Variants in ZNF592 observed in about 807,000 individuals in gnomAD.
ZNF592 encodes the protein zinc finger protein 592, also known as spinocerebellar ataxia, autosomal recessive 5.
A neutral mutation model predicts 80.3 loss-of-function variants in ZNF592; 11 were observed. The ratio of observed to expected loss-of-function variants is 0.14; its 90% confidence interval spans 0.09 to 0.23. The LOEUF is 0.23. Among genes scored for constraint, ZNF592 ranks in the 10% least tolerant of loss-of-function variants. The pLI is 1.00. For synonymous variants in ZNF592, 646 were observed against 640.3 expected (o/e 1.01, Z -0.13); for missense variants, 1,420 against 1,633.9 (o/e 0.87, Z 2.26).
chr15:84,779,451 T>C (rs867440904), intron 3 of ZNF592, among the ~76,000 whole-genome samples: 32 of 152,170 alleles, frequency 2.1e-4, no homozygotes, highest in African/African-American at 7.7e-4. Context: ...GAAAACAGGA[T>C]GTGATCTTTG....
intron 1 of ZNF592, among the ~76,000 whole-genome samples, chr15:84,751,845 C>T (rs1359458333): frequency 6.6e-6 from 1 of 152,136 alleles, no homozygotes; most frequent in East Asian, 1.9e-4. Flanking sequence ...GTGAAGGTTG[C>T]AGTGAGCTAA....
chr15:84,754,615 C>G (rs1899110906), intron 1 of ZNF592: 2 of 151,278 alleles, frequency 1.3e-5, no homozygotes, highest in Non-Finnish European at 2.9e-5. Flanking sequence ...CACCTGTAAT[C>G]CCAGCACTTT....
intron 5 of ZNF592, among the ~76,000 whole-genome samples, chr15:84,797,592 A>C (rs1962954455): frequency 6.6e-6 from 1 of 152,218 alleles, no homozygotes; most frequent in Admixed American, 6.5e-5. Flanking sequence ...GGTTTGCAGA[A>C]TATCCTCTGG....
intron 5 of ZNF592, among the ~76,000 whole-genome samples, chr15:84,792,926 C>T (rs117463830): frequency 0.025 from 3,750 of 152,290 alleles, 80 homozygotes; most frequent in Middle Eastern, 0.041. Flanking sequence ...AACCAAACAT[C>T]TGAATATGTT....
Position 84,782,720 on chromosome 15 carries a change from C to T in ZNF592, c.45C>T (p.Ala15=). ...KTPDFDDLLA[A]FDIPDPTSLD... is the part of the protein sequence containing the mutation. ...CAGATTTTGATGACCTTCTGGCTGC[C>T]TTTGACATCCCAGACCCCACCAGCC... Residue 15 remains alanine (A), a synonymous_variant, in exon 4 of 11, where the codon GCC becomes GCT. Transcript: ENST00000560079. 1 of 1,614,134 alleles carries T rather than the reference C, an allele frequency of 6.2e-7. No homozygotes were observed. The highest frequency in any genetic ancestry group is 8.5e-7 in the Non-Finnish European group (1 of 1,180,022).
At chr15:84,756,884 G>A (rs951084899) in intron 1 of ZNF592, among the ~76,000 whole-genome samples, 5 of 152,024 alleles carry the variant, frequency 3.3e-5, no homozygotes, top group Non-Finnish European at 7.4e-5. Context: ...GGCCGAGGTG[G>A]GTGGATCACT....
At chr15:84,794,119 A>G (rs1338267525) in intron 5 of ZNF592, among the ~76,000 whole-genome samples, 1 of 152,162 alleles carries the variant, frequency 6.6e-6, no homozygotes, top group Non-Finnish European at 1.5e-5. Flanking sequence ...GAGGGATAGC[A>G]TTAGGAGAAA....
chr15:84,751,953 T>C (rs1416523352), intron 1 of ZNF592, among the ~76,000 whole-genome samples: 1 of 151,970 alleles, frequency 6.6e-6, no homozygotes, highest in African/African-American at 2.4e-5. Context: ...CTAGAGACAG[T>C]GTCTCACTAT....
At chr15:84,789,708 T>G (rs1406458587) in intron 4 of ZNF592, among the ~76,000 whole-genome samples, 3 of 152,182 alleles carry the variant, frequency 2.0e-5, no homozygotes, top group Non-Finnish European at 4.4e-5. Flanking sequence ...TATTTACATA[T>G]TCAGTCATTC....
chr15:84,800,096 G>A, intron 10 of ZNF592, 119 bp downstream of exon 10: 2 of 1,483,648 alleles, frequency 1.3e-6, no homozygotes, highest in South Asian at 1.1e-5. Flanking sequence ...TTCCCTCAAT[G>A]TGGGTCACTC....
rs1962724375 is a variant in ZNF592 at position 84,790,784 on chromosome 15, C to T, written c.2300C>T (p.Pro767Leu). 1 of 1,614,090 alleles carries T rather than the reference C, an allele frequency of 6.2e-7. No individual in the cohort carries two copies. The highest frequency in any genetic ancestry group is 8.5e-7 in the Non-Finnish European group (1 of 1,180,052). Residue 767 changes from proline to leucine, a missense_variant, in exon 5 of 11, where the codon CCC becomes CTC. By Grantham distance (98) the Pro-to-Leu change is moderately conservative. This residue lies in a region of ZNF592 where 524 missense variants were observed against 628.3 expected (regional missense o/e 0.83). Coordinates refer to ENST00000560079, the MANE Select transcript of ZNF592 (RefSeq NM_014630.3). ...CAGCGGATTCATGCACACAAGTCCC[C>T]CTACTGCTGCCCGGAGTGTGGGGTC... ...AHQRIHAHKS[P>L]YCCPECGVLC...
At position 84,762,260 on chromosome 15, in the gene ZNF592, G is replaced by A. The variant is rs988435697; in HGVS notation, c.-258-2447G>A. ...ATAAGTAAGATAAAATATAAGAGATGGTGAAAAGTGTTATGGAGAAAAATG... is the reference window on the plus strand; with the variant it reads ...ATAAGTAAGATAAAATATAAGAGATAGTGAAAAGTGTTATGGAGAAAAATG... On this transcript the variant is annotated intron_variant, in intron 1 of 10. Transcript: ENST00000560079. 3.3e-5 allele frequency among the ~76,000 whole-genome samples: 5 copies of A among 152,296 alleles called. No homozygotes were observed. In the South Asian group the frequency reaches 1.0e-3, roughly 32 times the overall value.
Position 84,802,323 on chromosome 15 carries a change from G to A in ZNF592, c.3734G>A (p.Gly1245Asp), listed in dbSNP as rs762948645. 11 of 1,613,878 alleles carry A rather than the reference G, an allele frequency of 6.8e-6. No individual in the cohort carries two copies. In the East Asian group the frequency reaches 2.4e-4, roughly 36 times the overall value. ...GGCCCGGCCCCTGAGGACGATGGTG[G>A]CCACAATGATCACAGTCAACCACAG... is the stretch of plus-strand genomic sequence containing the variant. ...LLGPAPEDDGGHNDHSQPQAS... is the reference protein window; with the variant it reads ...LLGPAPEDDGDHNDHSQPQAS... Residue 1245 changes from glycine (G) to aspartate (D), a missense_variant, in exon 11 of 11, where the codon GGC becomes GAC. This residue lies in a region of ZNF592 where 145 missense variants were observed against 211.9 expected (regional missense o/e 0.68). Transcript: ENST00000560079.
At chr15:84,753,915 G>T (rs2141957388) in intron 1 of ZNF592, among the ~76,000 whole-genome samples, 1 of 152,304 alleles carries the variant, frequency 6.6e-6, no homozygotes, top group South Asian at 2.1e-4. Context: ...TCATTTGTGG[G>T]CATCTGGTCC....
At chr15:84,753,395 A>C (rs1048833482) in intron 1 of ZNF592, 2 of 152,232 alleles carry the variant, frequency 1.3e-5, no homozygotes, top group Non-Finnish European at 2.9e-5. Flanking sequence ...TCTTCCCTAC[A>C]CATTGGAGAC....
chr15:84,770,871 G>GC (rs1217924863), intron 2 of ZNF592, among the ~76,000 whole-genome samples: 1 of 152,154 alleles, frequency 6.6e-6, no homozygotes, highest in African/African-American at 2.4e-5. Flanking sequence ...GTTTCCAAGG[G>GC]CCCCTTCAGC....
At chr15:84,801,748 T>TGG (rs1353151528) in intron 10 of ZNF592, 115 bp from the exon 11 acceptor site, 20 of 1,480,650 alleles carry the variant, frequency 1.4e-5, no homozygotes, top group Non-Finnish European at 1.9e-5. Context: ...CGTTCAGGGC[T>TGG]GGGGTGACCC....
chr15:84,798,701 T>C lies in ZNF592; in HGVS notation c.2850T>C (p.Ser950=), dbSNP rs1009361553. Residue 950 remains serine, a synonymous_variant, in exon 8 of 11, where the codon AGT becomes AGC. Coordinates refer to ENST00000560079, the MANE Select transcript of ZNF592 (RefSeq NM_014630.3). This position sits in a 1 kb window ranked among gnomAD's most constrained non-coding sequence, Gnocchi z 4.5. ...TTCCCACTGAGCCACCAGCCACTAG[T>C]GTGGCTGCTCGGAGCAGCTCCCTGC... ...SRVPTEPPAT[S]VAARSSSLPS... 3.1e-6 allele frequency: 5 copies of C among 1,613,584 alleles called. No homozygotes were observed. The highest frequency in any genetic ancestry group is 3.4e-6 in the Non-Finnish European group (4 of 1,180,016).
chr15:84,784,167 C>G lies in ZNF592; in HGVS notation c.1492C>G (p.Leu498Val), dbSNP rs1371752905. 6.2e-7 allele frequency: 1 copy of G among 1,614,078 alleles called. No individual in the cohort carries two copies. The highest frequency in any genetic ancestry group is 8.5e-7 in the Non-Finnish European group (1 of 1,180,052). ...GGCATCCACCCTGGCCCCTGCCAAC[C>G]TCCTGCCCAAAGCCGTGCACTTGGC... ...LQASTLAPAN[L>V]LPKAVHLANL... Residue 498 changes from leucine (L) to valine (V), a missense_variant, in exon 4 of 11, where the codon CTC (leucine) becomes GTC (valine). Leu to Val is a conservative substitution (Grantham distance 32, BLOSUM62 1). Transcript: ENST00000560079. This position sits in a 1 kb window ranked among gnomAD's most constrained non-coding sequence, Gnocchi z 5.8.
Sources: gnomAD v4.1 joint callset for allele counts (sites outside exome capture counted in the v4.1 genomes callset) on GRCh38, gnomAD v4.1.1 for gene constraint, gnomAD v4.1.1 regional missense constraint, Gnocchi (gnomAD v3.1) non-coding constraint, MANE v1.5 for transcripts, NCBI Gene and HGNC (gene_info 2026-07-23, HGNC 2026-07-21) for gene names.